Variants in ATP2B2 observed in about 807,000 individuals in gnomAD.
The protein encoded by ATP2B2 is ATPase plasma membrane Ca2+ transporting 2.
A neutral mutation model predicts 120.0 loss-of-function variants in ATP2B2; 15 were observed. That is an observed-to-expected ratio of 0.12 (90% CI 0.08 to 0.19). The LOEUF is 0.19. Among genes scored for constraint, ATP2B2 ranks in the 10% least tolerant of loss-of-function variants. The pLI, the probability that ATP2B2 is intolerant of heterozygous loss-of-function variation, is 1.00. For synonymous variants in ATP2B2, 694 were observed against 700.3 expected (o/e 0.99, Z 0.14); for missense variants, 1,045 against 1,719.8 (o/e 0.61, Z 6.94).
At chr3:10,481,567 T>A (rs1026156361) in intron 1 of ATP2B2, among the ~76,000 whole-genome samples, 2 of 152,238 alleles carry the variant, frequency 1.3e-5, no homozygotes, top group African/African-American at 4.8e-5. Flanking sequence ...TTATTTTATT[T>A]TTTTGAGACA....
Position 10,345,530 on chromosome 3 carries a change from G to C in ATP2B2, c.2557C>G (p.Leu853Val), listed in dbSNP as rs746398574. 3.7e-6 allele frequency: 6 copies of C among 1,614,232 alleles called. No homozygotes were observed. In the South Asian group the frequency reaches 5.5e-5, roughly 15 times the overall value. Residue 853 changes from leucine to valine, a missense_variant, in exon 18 of 23, where the codon CTG becomes GTG. Around this residue, in one of 11 missense-constraint regions of ATP2B2, gnomAD observed 98 missense variants for 266.7 expected, o/e 0.37. Coordinates refer to ENST00000360273, the MANE Select transcript of ATP2B2 (RefSeq NM_001001331.4). The stretch of plus-strand genomic sequence containing the variant: ...ATGCTGCTGAAATTGTCGTCTGTCA[G>C]GATGATGTCTGAGGCCTCCTTGGCC... Reference protein sequence around the residue: ...DVAKEASDIILTDDNFSSIVK... With the variant: ...DVAKEASDIIVTDDNFSSIVK...
rs189682025 is a variant in ATP2B2 at position 10,587,669 on chromosome 3, C to T, written c.-415+32248G>A. Among the ~76,000 whole-genome samples the T allele has an allele frequency of 1.7e-3, 259 of 152,294 alleles. 1 individual carries two copies. The highest frequency in any genetic ancestry group is 1.4e-3 in the Non-Finnish European group (92 of 68,036). ...TGCAGGGATTACAGGCATGAGCCAC[C>T]GCGCTGGGCCTAGTTTAATTCTTCA... On this transcript the variant is annotated intron_variant, in intron 2 of 21. Transcript: ENST00000646379.
intron 2 of ATP2B2, among the ~76,000 whole-genome samples, chr3:10,595,348 T>C (rs1242670261): frequency 6.6e-6 from 1 of 152,238 alleles, no homozygotes; most frequent in Non-Finnish European, 1.5e-5. Context: ...TCTCCTCTTC[T>C]AGGTGCAATC....
chr3:10,605,327 A>T (rs2069032651), intron 2 of ATP2B2, among the ~76,000 whole-genome samples: 1 of 152,194 alleles, frequency 6.6e-6, no homozygotes, highest in Non-Finnish European at 1.5e-5. Flanking sequence ...GTGGGATGCT[A>T]GTATCATCTC....
At position 10,340,710 on chromosome 3, in the gene ATP2B2, A is replaced by C; in HGVS notation, c.2918-6T>G. The C allele has an allele frequency of 2.5e-6, 4 of 1,613,734 alleles. No homozygotes were observed. The highest frequency in any genetic ancestry group is 3.4e-6 in the Non-Finnish European group (4 of 1,179,754). ...GATCTGGAACATCTTCTCGCCTGCCAAGTGAGAGAGTGGGGCTGGGCTGAA... is the reference window on the plus strand; with the variant it reads ...GATCTGGAACATCTTCTCGCCTGCCCAGTGAGAGAGTGGGGCTGGGCTGAA... On this transcript the variant is annotated splice_polypyrimidine_tract_variant and splice_region_variant and intron_variant, in intron 19 of 22. Coordinates refer to ENST00000360273, the MANE Select transcript of ATP2B2 (RefSeq NM_001001331.4). The surrounding 1 kb of genome is among the most constrained non-coding windows in gnomAD (Gnocchi z 5.0).
intron 2 of ATP2B2, among the ~76,000 whole-genome samples, chr3:10,578,573 T>C (rs2068309464): frequency 6.6e-6 from 1 of 150,696 alleles, no homozygotes; most frequent in African/African-American, 2.4e-5. Flanking sequence ...AAGAAAAACA[T>C]ATATATGTAT....
intron 14 of ATP2B2, among the ~76,000 whole-genome samples, chr3:10,350,860 G>A (rs1408747693): frequency 6.6e-6 from 1 of 152,184 alleles, no homozygotes; most frequent in Non-Finnish European, 1.5e-5. Flanking sequence ...GGTCCATCCT[G>A]AGACAGAACC....
At chr3:10,520,901 A>G (rs183183758) in intron 3 of ATP2B2, among the ~76,000 whole-genome samples, 2 of 152,058 alleles carry the variant, frequency 1.3e-5, no homozygotes, top group Admixed American at 1.3e-4. Context: ...CAACTAGACT[A>G]TGTCACTGCA....
intron 2 of ATP2B2, among the ~76,000 whole-genome samples, chr3:10,446,349 A>G (rs1395877386): frequency 6.6e-6 from 1 of 152,138 alleles, no homozygotes; most frequent in Non-Finnish European, 1.5e-5. Flanking sequence ...CAATATTCAC[A>G]GCCTATTTTA....
intron 2 of ATP2B2, among the ~76,000 whole-genome samples, chr3:10,583,131 C>T (rs2068429397): frequency 6.6e-6 from 1 of 152,130 alleles, no homozygotes; most frequent in South Asian, 2.1e-4. Flanking sequence ...AACTGTTGGG[C>T]AAAAGGAGTA....
intron 12 of ATP2B2, among the ~76,000 whole-genome samples, chr3:10,368,505 T>A (rs943403068): frequency 6.6e-6 from 1 of 151,804 alleles, no homozygotes. Context: ...TTCCATTCCA[T>A]CAAGCAATCA....
intron 8 of ATP2B2, among the ~76,000 whole-genome samples, chr3:10,384,464 G>C (rs902745712): frequency 2.6e-5 from 4 of 152,186 alleles, no homozygotes; most frequent in Non-Finnish European, 4.4e-5. Context: ...GTAAACAAAA[G>C]CCTTGTCTGT....
intron 2 of ATP2B2, among the ~76,000 whole-genome samples, chr3:10,565,393 G>C (rs1307847429): frequency 6.6e-6 from 1 of 151,998 alleles, no homozygotes; most frequent in African/African-American, 2.4e-5. Flanking sequence ...CTCTCGCGTG[G>C]GCTTAGTCAC....
intron 1 of ATP2B2, among the ~76,000 whole-genome samples, chr3:10,499,510 G>A (rs531365024): frequency 1.3e-4 from 20 of 152,334 alleles, no homozygotes; most frequent in South Asian, 1.2e-3. Flanking sequence ...ACATTTTAGC[G>A]ATTAGTACTA....
intron 2 of ATP2B2, among the ~76,000 whole-genome samples, chr3:10,590,560 CA>C (rs1486932240): frequency 6.6e-6 from 1 of 152,218 alleles, no homozygotes; most frequent in Admixed American, 6.5e-5. Flanking sequence ...CCCTGCATGA[CA>C]GCCCAGCCTT....
intron 2 of ATP2B2, among the ~76,000 whole-genome samples, chr3:10,602,189 GA>G (rs2068942154): frequency 1.3e-5 from 2 of 152,060 alleles, no homozygotes; most frequent in African/African-American, 2.4e-5. Flanking sequence ...AGAAAGCACT[GA>G]AAAATTCTCA....
rs17032774 is a variant in ATP2B2 at position 10,383,871 on chromosome 3, G to A, written c.1000+1397C>T. On this transcript the variant is annotated intron_variant, in intron 8 of 22. Transcript: ENST00000360273. ...CTGCCCTTTTTTCTGAGACTGGCCA[G>A]CCTGGATGGGGTCTGTATGTTCACA... Among the ~76,000 whole-genome samples the A allele has an allele frequency of 6.9e-3, 1,045 of 152,314 alleles. 13 individuals are homozygous for A. Among genetic ancestry groups the A allele is most frequent in the African/African-American group, 0.024 (1,001 of 41,560 alleles).
chr3:10,368,977 T>C (rs969945139), intron 12 of ATP2B2, among the ~76,000 whole-genome samples: 2 of 152,362 alleles, frequency 1.3e-5, no homozygotes, highest in East Asian at 1.9e-4. Flanking sequence ...AGCTGTCTCC[T>C]GCTCTTAAAA....
chr3:10,452,282 A>G (rs1371136465), intron 1 of ATP2B2, among the ~76,000 whole-genome samples: 1 of 152,002 alleles, frequency 6.6e-6, no homozygotes. Flanking sequence ...CTCTGGGGAG[A>G]GTGTTGGCAT....
Sources: allele counts gnomAD v4.1 joint callset (sites outside exome capture counted in the v4.1 genomes callset), GRCh38; gene constraint gnomAD v4.1.1; regional missense constraint gnomAD v4.1.1; non-coding constraint Gnocchi (gnomAD v3.1); transcripts MANE v1.5; gene names NCBI Gene and HGNC (gene_info 2026-07-23, HGNC 2026-07-21).